CDH18: variants seen among roughly 807,000 people sequenced by gnomAD.
The protein encoded by CDH18 is cadherin-18.
In CDH18, 31 loss-of-function variants were observed where a neutral mutation model predicts 67.9. The ratio of observed to expected loss-of-function variants is 0.46; its 90% CI spans 0.34 to 0.62. CDH18 has a LOEUF of 0.62. CDH18 is among the 20% of genes least tolerant of loss of function. The probability of loss-of-function intolerance (pLI) is 0.01; values close to 1 mark genes in which losing one functional copy is unlikely to be tolerated. For synonymous variants in CDH18, 362 were observed against 347.2 expected (o/e 1.04, Z -0.48); for missense variants, 890 against 975.5 (o/e 0.91, Z 1.17).
At chr5:19,940,670 C>A (rs1013329534) in intron 2 of CDH18, among the ~76,000 whole-genome samples, 11 of 151,272 alleles carry the variant, frequency 7.3e-5, no homozygotes, top group African/African-American at 2.7e-4. Context: ...TTCCTAGTTC[C>A]TTCTCAGTTT....
chr5:19,854,721 A>C (rs1784073390), intron 2 of CDH18, among the ~76,000 whole-genome samples: 1 of 152,062 alleles, frequency 6.6e-6, no homozygotes, highest in Non-Finnish European at 1.5e-5. Flanking sequence ...TAAAGATAAC[A>C]AGTTTCCTAG....
chr5:20,490,325 A>G (rs1753512894), intron 1 of CDH18, among the ~76,000 whole-genome samples: 1 of 152,036 alleles, frequency 6.6e-6, no homozygotes, highest in Non-Finnish European at 1.5e-5. Context: ...TTTTTCTAAT[A>G]TCAATAGCCA....
intron 1 of CDH18, among the ~76,000 whole-genome samples, chr5:20,352,768 G>A (rs1389568603): frequency 1.3e-5 from 2 of 151,926 alleles, no homozygotes; most frequent in Non-Finnish European, 2.9e-5. Flanking sequence ...ACTGTAGCCT[G>A]GGCGATAGAG....
chr5:19,530,098 G>A (rs965953047), intron 9 of CDH18, among the ~76,000 whole-genome samples: 1 of 152,064 alleles, frequency 6.6e-6, no homozygotes, highest in Non-Finnish European at 1.5e-5. Context: ...CATTGTCAGT[G>A]GTACCAATGA....
At chr5:20,526,417 A>G (rs1000285016) in intron 1 of CDH18, among the ~76,000 whole-genome samples, 1 of 151,924 alleles carries the variant, frequency 6.6e-6, no homozygotes, top group Non-Finnish European at 1.5e-5. Flanking sequence ...GAGCAGCCAG[A>G]CTCCATCCAT....
rs549716773 is a variant in CDH18 at position 19,700,242 on chromosome 5, T to G, written c.643+21105A>C. ...TTTAATAAGAGTATCTGTGCTGTAT[T>G]CACATGAACCAAACAACATCAATGT... On this transcript the variant is annotated intron_variant, in intron 5 of 12. Coordinates refer to ENST00000382275, the MANE Select transcript of CDH18 (RefSeq NM_004934.5). 5.3e-5 allele frequency among the ~76,000 whole-genome samples: 8 copies of G among 152,316 alleles called. No individual in the cohort carries two copies. In the East Asian group the frequency reaches 1.5e-3, roughly 29 times the overall value.
intron 1 of CDH18, among the ~76,000 whole-genome samples, chr5:20,315,894 A>G (rs1737419629): frequency 6.6e-6 from 1 of 152,074 alleles, no homozygotes; most frequent in Non-Finnish European, 1.5e-5. Context: ...ACAAGAATGT[A>G]ATTTCCTCAA....
At chr5:19,763,734 T>A (rs1336455313) in intron 3 of CDH18, among the ~76,000 whole-genome samples, 1 of 152,012 alleles carries the variant, frequency 6.6e-6, no homozygotes, top group African/African-American at 2.4e-5. Flanking sequence ...AAGAATTTAG[T>A]TTAGAAGCCT....
chr5:19,785,128 A>G (rs1405144415), intron 3 of CDH18, among the ~76,000 whole-genome samples: 3 of 152,162 alleles, frequency 2.0e-5, no homozygotes, highest in Non-Finnish European at 2.9e-5. Context: ...CTGGGTACAT[A>G]GTCACTCATA....
chr5:19,637,465 G>A (rs1281442896), intron 5 of CDH18, among the ~76,000 whole-genome samples: 1 of 152,044 alleles, frequency 6.6e-6, no homozygotes, highest in Non-Finnish European at 1.5e-5. Context: ...TTTCGCAGCA[G>A]TTACGCCTGA....
At chr5:20,496,940 C>T (rs756921187) in intron 1 of CDH18, among the ~76,000 whole-genome samples, 37 of 151,824 alleles carry the variant, frequency 2.4e-4, no homozygotes, top group Non-Finnish European at 4.6e-4. Flanking sequence ...AGAGAAAAGG[C>T]ATGAAGGAGC....
intron 2 of CDH18, among the ~76,000 whole-genome samples, chr5:20,189,531 C>T (rs1738371954): frequency 6.6e-6 from 1 of 152,144 alleles, no homozygotes; most frequent in Non-Finnish European, 1.5e-5. Context: ...TACAAACACA[C>T]ACACTTATTT....
intron 1 of CDH18, among the ~76,000 whole-genome samples, chr5:20,391,424 A>G (rs1744850764): frequency 6.6e-6 from 1 of 152,094 alleles, no homozygotes; most frequent in Non-Finnish European, 1.5e-5. Flanking sequence ...ATGAATCAAT[A>G]TAAATGAAAT....
At position 19,668,413 on chromosome 5, in the gene CDH18, C is replaced by A. The variant is rs557438498; in HGVS notation, c.643+52934G>T. 4.6e-5 allele frequency among the ~76,000 whole-genome samples: 7 copies of A among 151,870 alleles called. No homozygotes were observed. In the South Asian group the frequency reaches 6.2e-4, roughly 14 times the overall value. On this transcript the variant is annotated intron_variant, in intron 5 of 12. Coordinates refer to ENST00000382275, the MANE Select transcript of CDH18 (RefSeq NM_004934.5). Reference sequence around the variant, plus strand: ...AACAAATAAGATGATAATAAACATCCGCTTATATTAAAAGTTTCTCTGTTT... The same window carrying A: ...AACAAATAAGATGATAATAAACATCAGCTTATATTAAAAGTTTCTCTGTTT...
intron 2 of CDH18, among the ~76,000 whole-genome samples, chr5:19,910,382 G>A (rs920597882): frequency 2.0e-5 from 3 of 152,088 alleles, no homozygotes; most frequent in Admixed American, 1.3e-4. Flanking sequence ...CACAGCAGCA[G>A]GGATCTACGC....
At position 20,564,260 on chromosome 5, in the gene CDH18, T is replaced by TTTTATTTATTCATTTATTTA. The variant is rs1554020095; in HGVS notation, c.-580+11201_-580+11202insTAAATAAATGAATAAATAAA. ...ATTATTTCTTGCATTATTATCACAG[T>TTTTATTTATTCATTTATTTA]TTTATTTATTTATTTATTTATTTAT... On this transcript the variant is annotated intron_variant, in intron 1 of 14. Transcript: ENST00000507958. Among the ~76,000 whole-genome samples the TTTTATTTATTCATTTATTTA allele has an allele frequency of 2.1e-5, 3 of 141,596 alleles. No homozygotes were observed. The Admixed American group carries it at 2.2e-4, about 10-fold the overall frequency. 92.9% of individuals were successfully genotyped at this position (141,596 alleles called of 152,430 possible). A position where few individuals can be genotyped will look rare whatever the true frequency, so the allele number is the denominator to read the frequency against.
chr5:19,884,794 T>C (rs1788023702), intron 2 of CDH18, among the ~76,000 whole-genome samples: 1 of 152,070 alleles, frequency 6.6e-6, no homozygotes, highest in Non-Finnish European at 1.5e-5. Flanking sequence ...GTAAGAAATT[T>C]AAATCTTTAC....
At chr5:19,760,344 G>A (rs1484632920) in intron 3 of CDH18, among the ~76,000 whole-genome samples, 4 of 152,102 alleles carry the variant, frequency 2.6e-5, no homozygotes, top group Non-Finnish European at 5.9e-5. Context: ...TCCCAGCTGG[G>A]ATGAGTAGGT....
At position 20,413,061 on chromosome 5, in the gene CDH18, G is replaced by A. The variant is rs111345977; in HGVS notation, c.-579-157556C>T. Reference sequence around the variant, plus strand: ...CCACCTTTGAGTAAGAACGCGCAGCGTTTGGTTTTCTGTCCTTGGGATAGT... The same window carrying A: ...CCACCTTTGAGTAAGAACGCGCAGCATTTGGTTTTCTGTCCTTGGGATAGT... On this transcript the variant is annotated intron_variant, in intron 1 of 14. Coordinates refer to the CDH18 transcript ENST00000507958. 5.7e-3 allele frequency among the ~76,000 whole-genome samples: 865 copies of A among 152,300 alleles called. 6 individuals are homozygous for A. Among genetic ancestry groups the A allele is most frequent in the African/African-American group, 0.02 (817 of 41,568 alleles).
Sources: allele counts gnomAD v4.1 joint callset (sites outside exome capture counted in the v4.1 genomes callset), GRCh38; gene constraint gnomAD v4.1.1; transcripts MANE v1.5; gene names NCBI Gene and HGNC (gene_info 2026-07-23, HGNC 2026-07-21).